The following HSD17B6 variants were observed in gnomAD, a reference collection of about 807,000 sequenced individuals.
HSD17B6 encodes the protein 17-beta-hydroxysteroid dehydrogenase type 6.
In HSD17B6, 16 loss-of-function variants were observed where a neutral mutation model predicts 26.4. The ratio of observed to expected loss-of-function variants is 0.61; its 90% CI spans 0.41 to 0.92. HSD17B6 has a LOEUF of 0.92. Ranked by LOEUF, HSD17B6 falls within the 40% of genes least tolerant of loss-of-function variation. HSD17B6 has a pLI of 0.00. For missense variants in HSD17B6, 357 were observed against 386.1 expected, an observed-to-expected ratio of 0.92 and a Z score of 0.63; for synonymous variants, 139 against 153.0, an observed-to-expected ratio of 0.91 and a Z score of 0.68.
chr12:56,768,288 C>T (rs143515753), intron 1 of HSD17B6, among the ~76,000 whole-genome samples: 34 of 152,152 alleles, frequency 2.2e-4, no homozygotes, highest in Non-Finnish European at 2.2e-4. Flanking sequence ...CCTTGGTGAG[C>T]TGTGAGAGAG....
At chr12:56,765,406 A>G (rs934423783) in intron 1 of HSD17B6, among the ~76,000 whole-genome samples, 1 of 152,136 alleles carries the variant, frequency 6.6e-6, no homozygotes, top group African/African-American at 2.4e-5. Flanking sequence ...ACTGCACTCC[A>G]GCCTGGCGAC....
intron 2 of HSD17B6, among the ~76,000 whole-genome samples, chr12:56,777,364 A>ATTTTTTT (rs2137915208): frequency 1.0e-5 from 1 of 96,112 alleles, no homozygotes; most frequent in Non-Finnish European, 2.0e-5. Context: ...CCAAAGTGTA[A>ATTTTTTT]ATTTTTTTTT....
chr12:56,783,902 G>A (rs1272525290), intron 3 of HSD17B6, among the ~76,000 whole-genome samples: 1 of 149,524 alleles, frequency 6.7e-6, no homozygotes, highest in African/African-American at 2.5e-5. Flanking sequence ...CAGGTGGAGG[G>A]GCTCCTCACT....
intron 1 of HSD17B6, 115 bp from the exon 2 acceptor site, chr12:56,773,719 T>C: frequency 2.0e-6 from 2 of 995,656 alleles, no homozygotes; most frequent in Non-Finnish European, 2.8e-6. Context: ...GGACTAAGTA[T>C]TAATCAATAA....
At chr12:56,778,340 T>G (rs1486918057) in intron 2 of HSD17B6, among the ~76,000 whole-genome samples, 2 of 152,184 alleles carry the variant, frequency 1.3e-5, no homozygotes, top group Admixed American at 1.3e-4. Context: ...CAGGCTGGAG[T>G]GCAGTGGCGC....
intron 3 of HSD17B6, among the ~76,000 whole-genome samples, chr12:56,783,290 G>T (rs1426038014): frequency 6.8e-6 from 1 of 146,698 alleles, no homozygotes; most frequent in East Asian, 2.1e-4. Context: ...CTCCCTCCCG[G>T]ACGGGGCGGC....
At chr12:56,779,836 A>AT (rs1480053835) in intron 2 of HSD17B6, among the ~76,000 whole-genome samples, 2 of 138,486 alleles carry the variant, frequency 1.4e-5, no homozygotes, top group Non-Finnish European at 3.1e-5. Context: ...TCCTTCTTGA[A>AT]TTTTCCATCT....
intron 4 of HSD17B6, chr12:56,785,809 G>C: frequency 1.9e-5 from 4 of 209,172 alleles, no homozygotes; most frequent in Non-Finnish European, 3.3e-5. Flanking sequence ...TGTGACAGGA[G>C]AAAGCATGTA....
chr12:56,787,282 T>G lies in HSD17B6; in HGVS notation c.894T>G (p.Pro298=). The G allele has an allele frequency of 6.2e-7, 1 of 1,614,122 alleles. No homozygotes were observed. Among genetic ancestry groups the G allele is most frequent in the South Asian group, 1.1e-5 (1 of 91,074 alleles). ...TCTTCATCCCTCTATCTTATTTACC[T>G]ACATCACTGGCAGACTACATTTTGA... The part of the protein sequence containing the change: ...KFFFIPLSYL[P]TSLADYILTR... The change falls in exon 5 of 5, where the codon CCT becomes CCG. Residue 298 remains proline, a synonymous_variant. Coordinates refer to ENST00000322165, the MANE Select transcript of HSD17B6 (RefSeq NM_003725.4).
At chr12:56,775,439 T>A (rs942103383) in intron 2 of HSD17B6, among the ~76,000 whole-genome samples, 1 of 152,170 alleles carries the variant, frequency 6.6e-6, no homozygotes, top group Non-Finnish European at 1.5e-5. Flanking sequence ...TTGCCCAGGC[T>A]AAGATGTTCT....
rs114209823 is a variant in HSD17B6, at chr12:56,773,410, G to A, written c.-19-424G>A. The stretch of plus-strand genomic sequence containing the variant: ...TCATCTCCAGTCTCTTCTTATGTAT[G>A]TTCTGCTCTGCACTCATGCAGAATT... On this transcript the variant is annotated intron_variant, in intron 1 of 4. Coordinates refer to ENST00000322165, the MANE Select transcript of HSD17B6 (RefSeq NM_003725.4). Among the ~76,000 whole-genome samples, 666 of 152,258 alleles carry A rather than the reference G, an allele frequency of 4.4e-3. 6 individuals carry two copies. The highest frequency in any genetic ancestry group is 0.016 in the African/African-American group (648 of 41,554).
chr12:56,768,748 G>C (rs536380180), intron 1 of HSD17B6, among the ~76,000 whole-genome samples: 4 of 117,922 alleles, frequency 3.4e-5, no homozygotes, highest in Admixed American at 1.1e-4. Flanking sequence ...CAGAAGGTTT[G>C]CCTTATATTG....
intron 1 of HSD17B6, among the ~76,000 whole-genome samples, chr12:56,772,764 A>G (rs891478749): frequency 1.3e-5 from 2 of 151,516 alleles, no homozygotes; most frequent in African/African-American, 4.9e-5. Context: ...ACTTCTTTCC[A>G]GTAGAAAGAA....
At chr12:56,769,898 C>T (rs1954432851) in intron 1 of HSD17B6, among the ~76,000 whole-genome samples, 2 of 152,142 alleles carry the variant, frequency 1.3e-5, no homozygotes, top group South Asian at 2.1e-4. Context: ...GCTAGGCATG[C>T]GATGGCTGAA....
At chr12:56,765,714 G>A (rs1350570689) in intron 1 of HSD17B6, among the ~76,000 whole-genome samples, 4 of 151,558 alleles carry the variant, frequency 2.6e-5, no homozygotes, top group Admixed American at 2.0e-4. Context: ...ATTTTGCCAT[G>A]TTGCTCAGGC....
In HSD17B6 at chr12:56,784,924, ACATGACACAGTC is replaced by A; in HGVS notation, c.646_657del (p.Met216_Ser219del). 6.2e-7 allele frequency: 1 copy of A among 1,614,084 alleles called. No individual in the cohort carries two copies. Among genetic ancestry groups the A allele is most frequent in the South Asian group, 1.1e-5 (1 of 91,086 alleles). On this transcript the variant is annotated inframe_deletion, in exon 4 of 5. Coordinates refer to ENST00000322165, the MANE Select transcript of HSD17B6 (RefSeq NM_003725.4). ...GGCTACTTCAGAACGGGAATGACAA[ACATGACACAGTC>A]CTTAGAGCGAATGAAGCAAAGTTGG...
chr12:56,780,083 T>A (rs1336817151), intron 2 of HSD17B6, among the ~76,000 whole-genome samples: 78 of 152,344 alleles, frequency 5.1e-4, no homozygotes, highest in Non-Finnish European at 1.5e-4. Flanking sequence ...TTAGCCTAAT[T>A]GTTTTTCCTT....
At chr12:56,775,141 G>C (rs1954564019) in intron 2 of HSD17B6, among the ~76,000 whole-genome samples, 1 of 152,224 alleles carries the variant, frequency 6.6e-6, no homozygotes, top group Non-Finnish European at 1.5e-5. Context: ...GAGGTCTTTT[G>C]TGGCGTTTCA....
rs1033756706 is a variant in HSD17B6 at position 56,787,290 on chromosome 12, T to A, written c.902T>A (p.Leu301Gln). Residue 301 changes from leucine to glutamine, a missense_variant, in exon 5 of 5, where the codon CTG becomes CAG. Coordinates refer to ENST00000322165, the MANE Select transcript of HSD17B6 (RefSeq NM_003725.4). The stretch of plus-strand genomic sequence containing the variant: ...CCTCTATCTTATTTACCTACATCAC[T>A]GGCAGACTACATTTTGACTAGATCT... Reference protein sequence around the residue: ...FIPLSYLPTSLADYILTRSWP... With the variant: ...FIPLSYLPTSQADYILTRSWP... The A allele has an allele frequency of 3.7e-6, 6 of 1,614,056 alleles. No homozygotes were observed. Among genetic ancestry groups the A allele is most frequent in the Non-Finnish European group, 5.1e-6 (6 of 1,180,032 alleles).
Sources: allele counts gnomAD v4.1 joint callset (sites outside exome capture counted in the v4.1 genomes callset), GRCh38; gene constraint gnomAD v4.1.1; transcripts MANE v1.5; gene names NCBI Gene and HGNC (gene_info 2026-07-23, HGNC 2026-07-21).